PMS2: variants seen among roughly 807,000 people sequenced by gnomAD.
The protein encoded by PMS2 is mismatch repair endonuclease PMS2.
In PMS2, 69 loss-of-function variants were observed where a neutral mutation model predicts 90.0. That is an observed-to-expected ratio of 0.77 (90% CI 0.63 to 0.94). The LOEUF (loss-of-function observed/expected upper bound fraction) is 0.94, where lower values mean the gene tolerates loss of function less well. PMS2 is among the 40% of genes least tolerant of loss of function. The pLI, the probability that PMS2 is intolerant of heterozygous loss-of-function variation, is 0.00. For missense variants in PMS2, 966 were observed against 1,040.2 expected, an observed-to-expected ratio of 0.93 and a Z score of 0.98; for synonymous variants, 332 against 375.1, an observed-to-expected ratio of 0.89 and a Z score of 1.33.
chr7:5,979,802 T>C (rs1386163476), intron 12 of PMS2, among the ~76,000 whole-genome samples: 2 of 126,246 alleles, frequency 1.6e-5, no homozygotes, highest in African/African-American at 2.8e-5. Context: ...ATTACGAGTG[T>C]GAGCCACTGC....
At chr7:5,991,363 A>G (rs1783708508) in intron 9 of PMS2, among the ~76,000 whole-genome samples, 1 of 152,028 alleles carries the variant, frequency 6.6e-6, no homozygotes, top group South Asian at 2.1e-4. Context: ...AAAATACTCA[A>G]TTACAATAAA....
intron 7 of PMS2, among the ~76,000 whole-genome samples, chr7:5,995,884 G>C (rs577204758): frequency 6.6e-6 from 1 of 152,288 alleles, no homozygotes; most frequent in East Asian, 1.9e-4. Context: ...GTCCAAAACT[G>C]ATGTGTTGCA....
Position 6,002,557 on chromosome 7 carries a change from G to T in PMS2, c.433C>A (p.Gln145Lys), listed in dbSNP as rs786204133. 1.4e-5 allele frequency: 23 copies of T among 1,611,668 alleles called. No individual in the cohort carries two copies. Among genetic ancestry groups the T allele is most frequent in the East Asian group, 2.2e-5 (1 of 44,902 alleles). The change falls in exon 5 of 15, where the codon CAG (glutamine) becomes AAG (lysine). Residue 145 changes from glutamine to lysine, a missense_variant. This residue lies in a region of PMS2 where 871 missense variants were observed against 802.4 expected (regional missense o/e 1.09). Coordinates refer to ENST00000265849, the MANE Select transcript of PMS2 (RefSeq NM_000535.7). ...LMFDHNGKII[Q>K]KTPYPRPRGT... is the part of the protein sequence containing the mutation. The stretch of plus-strand genomic sequence containing the variant: ...CTGGGGCGGGGGTAGGGGGTTTTCT[G>T]GATAATTTTCCCATTGTGATCAAAC...
chr7:5,978,477 G>C lies in PMS2; in HGVS notation c.2275+119C>G, dbSNP rs569523683. The C allele has an allele frequency of 2.3e-5, 27 of 1,155,874 alleles. No individual in the cohort carries two copies. The South Asian group carries it at 3.0e-4, about 13-fold the overall frequency. The allele number at this position is 1,155,874 out of a possible 1,614,324, so 71.6% of individuals were successfully genotyped here. The stretch of plus-strand genomic sequence containing the variant: ...GTAGAGATGGGGTTTCACCATGTTA[G>C]CCAGGCTGGTCTCAAACTCCTGACC... On this transcript the variant is annotated intron_variant, in intron 13 of 14. Transcript: ENST00000265849.
intron 4 of PMS2, 66 bp from the exon 5 acceptor site, chr7:6,002,702 T>C (rs1180683372): frequency 8.3e-7 from 1 of 1,197,716 alleles, no homozygotes; most frequent in Non-Finnish European, 1.2e-6. Flanking sequence ...CTGACTACTC[T>C]TTTCTTCACT....
rs2128731257 is a variant in PMS2, at chr7:5,987,352, C to G, written c.1413G>C (p.Gln471His). Residue 471 changes from glutamine to histidine, a missense_variant, in exon 11 of 15, where the codon CAG becomes CAC. By Grantham distance (24) the Gln-to-His change is conservative. Transcript: ENST00000265849. Reference sequence around the variant, plus strand: ...CGTGACTGGAACTCACTGCCTCTTTCTGAGGTCTCAGGACGCCTTTGTCAG... The same window carrying G: ...CGTGACTGGAACTCACTGCCTCTTTGTGAGGTCTCAGGACGCCTTTGTCAG... Reference protein sequence around the residue: ...AISDKGVLRPQKEAVSSSHGP... With the variant: ...AISDKGVLRPHKEAVSSSHGP... The G allele has an allele frequency of 6.2e-7, 1 of 1,614,170 alleles. No individual in the cohort carries two copies. Among genetic ancestry groups the G allele is most frequent in the Non-Finnish European group, 8.5e-7 (1 of 1,180,034 alleles).
At chr7:6,002,258 C>G in intron 5 of PMS2, 195 bp downstream of exon 5, 1 of 553,048 alleles carries the variant, frequency 1.8e-6, no homozygotes, top group Non-Finnish European at 3.2e-6. Flanking sequence ...CTAATAAACA[C>G]TATGTGATGA....
intron 2 of PMS2, among the ~76,000 whole-genome samples, chr7:6,004,826 T>A (rs1293874603): frequency 9.9e-5 from 15 of 152,206 alleles, no homozygotes; most frequent in Admixed American, 2.6e-4. Flanking sequence ...ATTTCCTCAT[T>A]TGTAAAATAG....
intron 10 of PMS2, among the ~76,000 whole-genome samples, chr7:5,988,809 T>G (rs1783378823): frequency 6.6e-6 from 1 of 152,220 alleles, no homozygotes; most frequent in African/African-American, 2.4e-5. Flanking sequence ...ACTGAATAAC[T>G]TCAAATTAAA....
rs786202950 is a variant in PMS2, at chr7:5,987,226, A to G, written c.1539T>C (p.Ser513=). ...SEGFSIPDTG[S]HCSSEYAASS... ...TGGCCGCATACTCGCTGCTGCAGTGACTGCCCGTGTCTGGGATGCTGAACC... is the reference window on the plus strand; with the variant it reads ...TGGCCGCATACTCGCTGCTGCAGTGGCTGCCCGTGTCTGGGATGCTGAACC... The change falls in exon 11 of 15, where the codon AGT becomes AGC. Residue 513 remains serine (S), a synonymous_variant. Coordinates refer to ENST00000265849, the MANE Select transcript of PMS2 (RefSeq NM_000535.7). 5 of 1,613,928 alleles carry G rather than the reference A, an allele frequency of 3.1e-6. No individual in the cohort carries two copies. In the African/African-American group the frequency reaches 5.3e-5, roughly 17 times the overall value.
Position 5,996,612 on chromosome 7 carries a change from T to TATATATAC in PMS2, c.803+713_803+714insGTATATAT, listed in dbSNP as rs1357046135. ...AAAAATATATATATATATATATATA[T>TATATATAC]ACACACAGATAGATAGATATCTTTA... On this transcript the variant is annotated intron_variant, in intron 7 of 14. Transcript: ENST00000265849. 8.5e-5 allele frequency among the ~76,000 whole-genome samples: 11 copies of TATATATAC among 129,590 alleles called. No individual in the cohort carries two copies. In the East Asian group the frequency reaches 2.3e-3, roughly 28 times the overall value. The allele number at this position is 129,590 out of a possible 152,430, so 85.0% of individuals were successfully genotyped here.
rs867655834 is a variant in PMS2, at chr7:5,997,402, C to G, written c.727G>C (p.Val243Leu). Residue 243 changes from valine to leucine, a missense_variant, in exon 7 of 15, where the codon GTT becomes CTT. By Grantham distance (32) the Val-to-Leu change is conservative (BLOSUM62 1). Around this residue, in one of 2 missense-constraint regions of PMS2, gnomAD observed 871 missense variants for 802.4 expected, o/e 1.09. Coordinates refer to ENST00000265849, the MANE Select transcript of PMS2 (RefSeq NM_000535.7). Reference protein sequence around the residue: ...QKQLQSLIPFVQLPPSDSVCE... With the variant: ...QKQLQSLIPFLQLPPSDSVCE... Reference sequence around the variant, plus strand: ...ACGGAGTCACTAGGGGGCAGCTGAACAAAAGGAATGAGGCTTTGCAACTGA... The same window carrying G: ...ACGGAGTCACTAGGGGGCAGCTGAAGAAAAGGAATGAGGCTTTGCAACTGA... The G allele has an allele frequency of 4.0e-6, 6 of 1,517,866 alleles. No individual in the cohort carries two copies. The East Asian group carries it at 1.4e-4, about 35-fold the overall frequency. 94.0% of individuals were successfully genotyped at this position (1,517,866 alleles called of 1,614,324 possible). A position where few individuals can be genotyped will look rare whatever the true frequency, so the allele number is the denominator to read the frequency against.
chr7:5,982,206 CATT>C (rs981313003), intron 12 of PMS2, among the ~76,000 whole-genome samples: 10 of 151,058 alleles, frequency 6.6e-5, no homozygotes, highest in African/African-American at 2.4e-4. Flanking sequence ...TATTTTTTAT[CATT>C]ATTATTATTT....
At position 6,006,084 on chromosome 7, in the gene PMS2, T is replaced by C. The variant is rs897967370; in HGVS notation, c.24-53A>G. On this transcript the variant is annotated intron_variant, in intron 1 of 14. Coordinates refer to ENST00000265849, the MANE Select transcript of PMS2 (RefSeq NM_000535.7). ...TCAAGTATTCAGCTATATATTTTCATCCTGATTTTAACTGTGGGAAATGAC... is the reference window on the plus strand; with the variant it reads ...TCAAGTATTCAGCTATATATTTTCACCCTGATTTTAACTGTGGGAAATGAC... 39 of 1,596,808 alleles carry C rather than the reference T, an allele frequency of 2.4e-5. No individual in the cohort carries two copies. In the African/African-American group the frequency reaches 2.9e-4, roughly 12 times the overall value.
intron 5 of PMS2, among the ~76,000 whole-genome samples, chr7:5,999,704 G>A (rs1471710782): frequency 1.3e-5 from 2 of 152,160 alleles, no homozygotes; most frequent in Non-Finnish European, 2.9e-5. Context: ...GCTGAGGTGG[G>A]AGGATCGCTT....
At chr7:5,983,130 T>C in intron 11 of PMS2, 139 bp from the exon 12 acceptor site, 1 of 1,304,974 alleles carries the variant, frequency 7.7e-7, no homozygotes, top group Non-Finnish European at 1.0e-6. Context: ...TCTTTTTTTT[T>C]GAAACAGAGT....
intron 10 of PMS2, among the ~76,000 whole-genome samples, chr7:5,988,078 A>C (rs1206520346): frequency 7.3e-5 from 10 of 136,078 alleles, no homozygotes; most frequent in Admixed American, 5.8e-4. Context: ...AAAAAAAAAA[A>C]CCACAACACA....
At chr7:6,003,111 T>G (rs896103054) in intron 4 of PMS2, among the ~76,000 whole-genome samples, 1 of 151,848 alleles carries the variant, frequency 6.6e-6, no homozygotes, top group Non-Finnish European at 1.5e-5. Context: ...CTAGGCAACA[T>G]GGTGAAATCC....
intron 13 of PMS2, among the ~76,000 whole-genome samples, chr7:5,978,059 G>T (rs1781898221): frequency 6.7e-6 from 1 of 149,930 alleles, no homozygotes; most frequent in South Asian, 2.1e-4. Context: ...GGCGGAGCTT[G>T]CAGTGAGCCG....
Sources: gnomAD v4.1 joint callset for allele counts (sites outside exome capture counted in the v4.1 genomes callset) on GRCh38, gnomAD v4.1.1 for gene constraint, gnomAD v4.1.1 regional missense constraint, MANE v1.5 for transcripts, NCBI Gene and HGNC (gene_info 2026-07-23, HGNC 2026-07-21) for gene names.